WDR41: variants seen among roughly 807,000 people sequenced by gnomAD.
WDR41 encodes the protein WD repeat-containing protein 41.
WDR41 carries 63 observed loss-of-function variants against 69.3 expected under a neutral mutation model. The ratio of observed to expected loss-of-function variants is 0.91; its 90% CI spans 0.74 to 1.12. WDR41 has a LOEUF of 1.12. Among genes scored for constraint, WDR41 ranks in the 50% most tolerant of loss-of-function variants. The pLI, the probability that WDR41 is intolerant of heterozygous loss-of-function variation, is 0.00. For missense variants in WDR41, 543 were observed against 534.5 expected (o/e 1.02, Z -0.16); for synonymous variants, 185 against 192.1 (o/e 0.96, Z 0.31).
chr5:77,532,710 A>G (rs1802546315), intron 1 of WDR41, among the ~76,000 whole-genome samples: 1 of 152,168 alleles, frequency 6.6e-6, no homozygotes, highest in African/African-American at 2.4e-5. Context: ...GACTCAAAAG[A>G]ACATATATGT....
chr5:77,519,247 G>T (rs1802337483), intron 1 of WDR41, among the ~76,000 whole-genome samples: 1 of 151,744 alleles, frequency 6.6e-6, no homozygotes, highest in Non-Finnish European at 1.5e-5. Flanking sequence ...CATACATAAT[G>T]AGTTTTAATA....
chr5:77,510,766 A>ATTTTT (rs58752727), intron 1 of WDR41, among the ~76,000 whole-genome samples: 15 of 99,602 alleles, frequency 1.5e-4, no homozygotes, highest in Admixed American at 3.6e-4. Context: ...TCCAAATTCA[A>ATTTTT]TTTTTTTTTT....
chr5:77,594,224 T>C (rs989339598), intron 1 of WDR41, among the ~76,000 whole-genome samples: 7 of 130,384 alleles, frequency 5.4e-5, no homozygotes, highest in African/African-American at 1.2e-4. Flanking sequence ...ATGAGAACAC[T>C]TGGACACAGG....
At chr5:77,617,403 C>T (rs1744698090) in intron 1 of WDR41, among the ~76,000 whole-genome samples, 2 of 152,184 alleles carry the variant, frequency 1.3e-5, no homozygotes, top group African/African-American at 4.8e-5. Flanking sequence ...TACACACACA[C>T]ACACAGATGC....
At chr5:77,509,489 T>C (rs2112169370) in intron 1 of WDR41, among the ~76,000 whole-genome samples, 1 of 152,352 alleles carries the variant, frequency 6.6e-6, no homozygotes, top group East Asian at 1.9e-4. Flanking sequence ...CAAAATGTTG[T>C]ATAACCATAC....
chr5:77,481,934 G>A (rs563950364), intron 2 of WDR41, among the ~76,000 whole-genome samples: 3 of 152,244 alleles, frequency 2.0e-5, no homozygotes, highest in African/African-American at 7.2e-5. Context: ...AACAAGGGTG[G>A]TTCTCCACTG....
At chr5:77,476,144 C>G (rs574246631) in intron 2 of WDR41, among the ~76,000 whole-genome samples, 4 of 152,040 alleles carry the variant, frequency 2.6e-5, no homozygotes, top group African/African-American at 4.8e-5. Context: ...AAAGAAATGA[C>G]CAAAGCCTCC....
At chr5:77,448,911 G>C (rs114130544) in intron 8 of WDR41, among the ~76,000 whole-genome samples, 1,843 of 150,672 alleles carry the variant, frequency 0.012, 32 homozygotes, top group African/African-American at 0.042. Flanking sequence ...AAAAAACAAA[G>C]CCAAGCCAGG....
chr5:77,493,148 G>C (rs900359521), upstream of WDR41, among the ~76,000 whole-genome samples: 1 of 152,134 alleles, frequency 6.6e-6, no homozygotes, highest in Non-Finnish European at 1.5e-5. Context: ...AATCTTTGTG[G>C]TTGGGACGTA....
intron 2 of WDR41, 121 bp downstream of exon 2, chr5:77,489,336 T>C (rs1801662032): frequency 1.9e-6 from 1 of 518,734 alleles, no homozygotes; most frequent in Non-Finnish European, 3.3e-6. Context: ...TACTAAATGT[T>C]ACTAATGATC....
chr5:77,589,759 A>G (rs1744103604), intron 1 of WDR41, among the ~76,000 whole-genome samples: 1 of 152,164 alleles, frequency 6.6e-6, no homozygotes, highest in African/African-American at 2.4e-5. Context: ...ATACATAATC[A>G]TGTCATTCAT....
At chr5:77,436,467 T>C (rs1256574862) in intron 11 of WDR41, 73 bp from the exon 12 acceptor site, 1 of 1,571,332 alleles carries the variant, frequency 6.4e-7, no homozygotes, top group African/African-American at 1.4e-5. Context: ...AAACAAAATT[T>C]AAATGTGAAG....
At chr5:77,618,048 T>C (rs1295029557) in intron 1 of WDR41, among the ~76,000 whole-genome samples, 1 of 152,194 alleles carries the variant, frequency 6.6e-6, no homozygotes, top group African/African-American at 2.4e-5. Flanking sequence ...GGAATAATGT[T>C]AATTTTCAGT....
chr5:77,551,283 T>G (rs1232931354), intron 1 of WDR41, among the ~76,000 whole-genome samples: 1 of 152,232 alleles, frequency 6.6e-6, no homozygotes, highest in Non-Finnish European at 1.5e-5. Context: ...TTTTGTATGT[T>G]TAAGAAGGGG....
intron 5 of WDR41, among the ~76,000 whole-genome samples, chr5:77,458,190 T>A (rs974079911): frequency 5.3e-5 from 8 of 152,112 alleles, no homozygotes; most frequent in African/African-American, 1.9e-4. Context: ...ACTGTTAAGT[T>A]AGATAGAAGT....
chr5:77,517,631 C>CAT (rs34773798), intron 1 of WDR41, among the ~76,000 whole-genome samples: 6,139 of 140,984 alleles, frequency 0.044, 157 homozygotes, highest in Middle Eastern at 0.12. Flanking sequence ...ATTTATTGAA[C>CAT]ATATATATAT....
intron 1 of WDR41, among the ~76,000 whole-genome samples, chr5:77,512,637 C>G (rs1248507476): frequency 6.6e-6 from 1 of 150,872 alleles, no homozygotes; most frequent in South Asian, 2.1e-4. Context: ...GTAGTCCCAG[C>G]TACTCAGGAG....
At chr5:77,501,708 T>C (rs1802020120) in intron 1 of WDR41, among the ~76,000 whole-genome samples, 1 of 152,132 alleles carries the variant, frequency 6.6e-6, no homozygotes, top group Non-Finnish European at 1.5e-5. Context: ...TATTTGCTGT[T>C]CTGCAGCCTC....
chr5:77,506,762 T>C (rs1346663601), intron 1 of WDR41, among the ~76,000 whole-genome samples: 1 of 152,086 alleles, frequency 6.6e-6, no homozygotes, highest in Non-Finnish European at 1.5e-5. Context: ...CTGGAAACTG[T>C]CATTCTCAGC....
Sources: allele counts gnomAD v4.1 joint callset (sites outside exome capture counted in the v4.1 genomes callset), GRCh38; gene constraint gnomAD v4.1.1; transcripts MANE v1.5; gene names NCBI Gene and HGNC (gene_info 2026-07-23, HGNC 2026-07-21).